The following N4BP2 variants were observed in gnomAD, a reference collection of about 807,000 sequenced individuals.
The protein encoded by N4BP2 is NEDD4-binding protein 2.
N4BP2 carries 91 observed loss-of-function variants against 152.8 expected under a neutral mutation model. That is an observed-to-expected ratio of 0.60 (90% CI 0.50 to 0.71). The LOEUF (loss-of-function observed/expected upper bound fraction) is 0.71, where lower values mean the gene tolerates loss of function less well. Ranked by LOEUF, N4BP2 falls within the 30% of genes least tolerant of loss-of-function variation. N4BP2 has a pLI of 0.00. For synonymous variants in N4BP2, 646 were observed against 705.3 expected, an observed-to-expected ratio of 0.92 and a Z score of 1.33; for missense variants, 1,923 against 2,059.1, an observed-to-expected ratio of 0.93 and a Z score of 1.28.
In N4BP2 at chr4:40,121,591, A is replaced by G. The variant is rs1390387559; in HGVS notation, c.3480A>G (p.Lys1160=). The G allele has an allele frequency of 6.2e-7, 1 of 1,614,128 alleles. No individual in the cohort carries two copies. The highest frequency in any genetic ancestry group is 2.2e-5 in the East Asian group (1 of 44,878). The change falls in exon 9 of 18, where the codon AAA becomes AAG. Residue 1160 remains lysine, a synonymous_variant. Transcript: ENST00000261435. Reference sequence around the variant, plus strand: ...CTTTTTCTCTGGGGTTGAATTTGAAAGAAATTATTAGCCAAAGAGGAACTT... The same window carrying G: ...CTTTTTCTCTGGGGTTGAATTTGAAGGAAATTATTAGCCAAAGAGGAACTT... The part of the protein sequence containing the change: ...IGPFSLGLNL[K]EIISQRGTLE...
intron 4 of N4BP2, 101 bp downstream of exon 4, chr4:40,103,319 G>A (rs1313760285): frequency 4.0e-6 from 4 of 994,102 alleles, no homozygotes; most frequent in Non-Finnish European, 5.9e-6. Flanking sequence ...GAGATCTTTA[G>A]TAACCCCTAA....
chr4:40,136,118 G>A (rs1447559528), intron 13 of N4BP2, among the ~76,000 whole-genome samples: 1 of 152,140 alleles, frequency 6.6e-6, no homozygotes, highest in African/African-American at 2.4e-5. Flanking sequence ...TAGTGCTTAA[G>A]TTTTTCTTTT....
intron 15 of N4BP2, among the ~76,000 whole-genome samples, chr4:40,143,431 A>G (rs184828828): frequency 3.2e-4 from 48 of 152,106 alleles, no homozygotes; most frequent in Admixed American, 2.8e-3. Flanking sequence ...CTCCCACATC[A>G]GCCTCCCAAA....
intron 3 of N4BP2, chr4:40,100,093 A>G (rs1283023952): frequency 4.4e-6 from 2 of 456,036 alleles, no homozygotes; most frequent in Admixed American, 4.7e-5. Flanking sequence ...TTTTTCATGG[A>G]TTATCTCATT....
intron 1 of N4BP2, among the ~76,000 whole-genome samples, chr4:40,069,599 T>C (rs1711945269): frequency 1.3e-5 from 2 of 151,940 alleles, no homozygotes; most frequent in Admixed American, 1.3e-4. Flanking sequence ...ATGTTAAGAG[T>C]TGATATTTGA....
chr4:40,099,887 T>C (rs887161031), intron 3 of N4BP2: 1 of 242,608 alleles, frequency 4.1e-6, no homozygotes, highest in Admixed American at 5.2e-5. Context: ...ACGTTTGCTT[T>C]CTTTTTTTTC....
chr4:40,066,610 G>A (rs1265972775), intron 1 of N4BP2, among the ~76,000 whole-genome samples: 3 of 152,164 alleles, frequency 2.0e-5, no homozygotes, highest in Non-Finnish European at 2.9e-5. Context: ...GTGAGCCACC[G>A]TGCCTAGCCC....
chr4:40,188,996 A>G, the N4BP2 span, among the ~76,000 whole-genome samples: 1 of 151,760 alleles, frequency 6.6e-6, no homozygotes, highest in Non-Finnish European at 1.5e-5. Flanking sequence ...AATACAAAAA[A>G]TTAGCCGGGC....
intron 11 of N4BP2, among the ~76,000 whole-genome samples, chr4:40,125,886 CAAAA>C (rs34106957): frequency 3.9e-5 from 4 of 103,306 alleles, no homozygotes; most frequent in Non-Finnish European, 2.0e-5. Flanking sequence ...GACTCCGTCT[CAAAA>C]AAAAAAAAAA....
chr4:40,108,268 C>T (rs924621231), intron 5 of N4BP2, among the ~76,000 whole-genome samples: 1 of 151,864 alleles, frequency 6.6e-6, no homozygotes, highest in African/African-American at 2.4e-5. Flanking sequence ...TTTGAACCAC[C>T]AGAAATGGAA....
In N4BP2 at chr4:40,065,079, G is replaced by A. The variant is rs138510176; in HGVS notation, c.-212+8049G>A. Among the ~76,000 whole-genome samples, 37 of 152,260 alleles carry A rather than the reference G, an allele frequency of 2.4e-4. No individual in the cohort carries two copies. In the East Asian group the frequency reaches 6.2e-3, roughly 25 times the overall value. On this transcript the variant is annotated intron_variant, in intron 1 of 17. Transcript: ENST00000261435. ...CACTGTGCCCGGCTGGGGTTAGAGG[G>A]ACTTTCAGGCAGAGAATGTATAAGG... is the stretch of plus-strand genomic sequence containing the variant.
At chr4:40,084,014 C>G (rs1484917506) in intron 2 of N4BP2, among the ~76,000 whole-genome samples, 1 of 152,160 alleles carries the variant, frequency 6.6e-6, no homozygotes, top group Non-Finnish European at 1.5e-5. Context: ...GCTGGAGTTG[C>G]AGTGGTGTGA....
chr4:40,124,115 A>T (rs1227927603), intron 10 of N4BP2, 45 bp from the exon 11 acceptor site: 1 of 1,495,090 alleles, frequency 6.7e-7, no homozygotes. Context: ...TTGTTTACTA[A>T]TGCACTCCCT....
intron 16 of N4BP2, among the ~76,000 whole-genome samples, chr4:40,147,535 C>T (rs1434727830): frequency 2.7e-5 from 4 of 146,714 alleles, no homozygotes; most frequent in African/African-American, 5.1e-5. Flanking sequence ...GCTGGCCGGG[C>T]AGAGGCGCCC....
intron 16 of N4BP2, among the ~76,000 whole-genome samples, chr4:40,147,640 C>T (rs1452887460): frequency 1.3e-5 from 2 of 150,806 alleles, no homozygotes; most frequent in Non-Finnish European, 3.0e-5. Context: ...GGGGCTGACC[C>T]CCCACCTCCC....
At chr4:40,128,200 T>C (rs1358732423) in intron 12 of N4BP2, among the ~76,000 whole-genome samples, 2 of 152,180 alleles carry the variant, frequency 1.3e-5, no homozygotes, top group Non-Finnish European at 2.9e-5. Context: ...ATCTTAGAGG[T>C]TATTTAGTCT....
chr4:40,140,298 G>T lies in N4BP2; in HGVS notation c.4786-2375G>T, dbSNP rs181148250. 2.9e-3 allele frequency among the ~76,000 whole-genome samples: 443 copies of T among 152,188 alleles called. 5 individuals carry two copies. Among genetic ancestry groups the T allele is most frequent in the African/African-American group, 0.01 (420 of 41,472 alleles). Reference sequence around the variant, plus strand: ...CCTCTGCCCACCTGGAAAACATGCTGTCATGGATAGATAGATGCAGCATAT... The same window carrying T: ...CCTCTGCCCACCTGGAAAACATGCTTTCATGGATAGATAGATGCAGCATAT... On this transcript the variant is annotated intron_variant, in intron 14 of 17. Transcript: ENST00000261435.
At chr4:40,142,277 T>C in intron 14 of N4BP2, 1 of 322,076 alleles carries the variant, frequency 3.1e-6, no homozygotes, top group Non-Finnish European at 6.1e-6. Context: ...CTGCTCTGGT[T>C]CCTTTGGATC....
intron 9 of N4BP2, among the ~76,000 whole-genome samples, 183 bp from the exon 10 acceptor site, chr4:40,122,944 T>A (rs1192811591): frequency 2.0e-5 from 3 of 152,226 alleles, no homozygotes; most frequent in African/African-American, 7.2e-5. Flanking sequence ...AGTCAAGAAG[T>A]GTGAAGACAG....
Sources: allele counts gnomAD v4.1 joint callset (sites outside exome capture counted in the v4.1 genomes callset), GRCh38; gene constraint gnomAD v4.1.1; transcripts MANE v1.5; gene names NCBI Gene and HGNC (gene_info 2026-07-23, HGNC 2026-07-21).